DENND4C: variants seen among roughly 807,000 people sequenced by gnomAD.
The protein encoded by DENND4C is DENN domain-containing protein 4C.
Under a neutral mutation model 203.0 loss-of-function variants are expected in DENND4C, and 108 were observed. The observed-to-expected ratio is 0.53, with a 90% CI of 0.46 to 0.62. The LOEUF is 0.62. DENND4C is among the 20% of genes least tolerant of loss of function. DENND4C has a pLI of 0.00. For synonymous variants in DENND4C, 871 were observed against 792.4 expected, an observed-to-expected ratio of 1.10 and a Z score of -1.67; for missense variants, 2,481 against 2,301.2, an observed-to-expected ratio of 1.08 and a Z score of -1.60.
At chr9:19,315,155 CAAAAAAA>C (rs10623955) in intron 10 of DENND4C, among the ~76,000 whole-genome samples, 29 of 119,482 alleles carry the variant, frequency 2.4e-4, no homozygotes, top group African/African-American at 9.1e-4. Flanking sequence ...GACTCCGTCT[CAAAAAAA>C]AAAAAAAAAA....
At position 19,245,959 on chromosome 9, in the gene DENND4C, T is replaced by TG. The variant is rs552262811; in HGVS notation, c.-18+15126_-18+15127insG. On this transcript the variant is annotated intron_variant, in intron 1 of 32. Coordinates refer to ENST00000434457, the MANE Select transcript of DENND4C (RefSeq NM_001330640.2). ...TATTTTGATATTTCTTGGAATCCAATTTTTTTTTTATTTTTTCAGTTCTCT... is the reference window on the plus strand; with the variant it reads ...TATTTTGATATTTCTTGGAATCCAATGTTTTTTTTTATTTTTTCAGTTCTCT... Among the ~76,000 whole-genome samples the TG allele has an allele frequency of 4.3e-3, 11 of 2,558 alleles. No individual in the cohort carries two copies. The East Asian group carries it at 0.044, about 10-fold the overall frequency. The allele number at this position is 2,558 out of a possible 152,430, so 1.7% of individuals were successfully genotyped here.
At chr9:19,234,815 T>C (rs888144273) in intron 1 of DENND4C, among the ~76,000 whole-genome samples, 10 of 152,080 alleles carry the variant, frequency 6.6e-5, no homozygotes, top group African/African-American at 2.4e-4. Flanking sequence ...GTGCTGTGAT[T>C]ACAGGCGTGA....
chr9:19,310,167 T>C (rs764520302), intron 10 of DENND4C, among the ~76,000 whole-genome samples: 2 of 152,200 alleles, frequency 1.3e-5, no homozygotes, highest in Non-Finnish European at 2.9e-5. Context: ...TTAATTTGTA[T>C]ATTATCTTCA....
Position 19,299,260 on chromosome 9 carries a change from A to T in DENND4C, c.1139A>T (p.Gln380Leu). 6.3e-7 allele frequency: 1 copy of T among 1,587,810 alleles called. No homozygotes were observed. Among genetic ancestry groups the T allele is most frequent in the Non-Finnish European group, 8.5e-7 (1 of 1,170,184 alleles). ...GTCCATGATGCATTAATATTATCAC[A>T]GCCAGTTTCTACACCTTTACCACTA... ...LSVHDALILS[Q>L]PVSTPLPLSG... Residue 380 changes from glutamine (Q) to leucine (L), a missense_variant, in exon 8 of 33, where the codon CAG (glutamine) becomes CTG (leucine). By Grantham distance (113) the Gln-to-Leu change is moderately radical. This residue lies in a region of DENND4C where 2,289 missense variants were observed against 2,113.3 expected (regional missense o/e 1.08). Coordinates refer to ENST00000434457, the MANE Select transcript of DENND4C (RefSeq NM_001330640.2).
chr9:19,316,909 A>G (rs1308673146), intron 12 of DENND4C, 70 bp downstream of exon 12: 12 of 1,305,860 alleles, frequency 9.2e-6, no homozygotes, highest in Non-Finnish European at 1.3e-5. Context: ...GTTGCTGCCA[A>G]GAAATACTTA....
chr9:19,236,795 C>T (rs1288702661), intron 1 of DENND4C, among the ~76,000 whole-genome samples: 2 of 152,198 alleles, frequency 1.3e-5, no homozygotes, highest in African/African-American at 4.8e-5. Flanking sequence ...GTACCTGCCA[C>T]ACCAGTCTAC....
intron 2 of DENND4C, among the ~76,000 whole-genome samples, chr9:19,285,113 C>CT (rs1834926923): frequency 6.6e-6 from 1 of 152,114 alleles, no homozygotes; most frequent in South Asian, 2.1e-4. Flanking sequence ...ATCCAGTTAT[C>CT]TAAGTCCTGC....
chr9:19,358,942 G>A lies in DENND4C; in HGVS notation c.5160+782G>A, dbSNP rs1272625992. ...CTCCCAGCAGGAGACATAAACATTA[G>A]TAGCTATTAATGCCTTAATGCCTAG... is the stretch of plus-strand genomic sequence containing the variant. On this transcript the variant is annotated intron_variant, in intron 28 of 32. Coordinates refer to ENST00000434457, the MANE Select transcript of DENND4C (RefSeq NM_001330640.2). The surrounding 1 kb of genome is among the most constrained non-coding windows in gnomAD (Gnocchi z 4.8). Among the ~76,000 whole-genome samples, 2 of 151,778 alleles carry A rather than the reference G, an allele frequency of 1.3e-5. No homozygotes were observed. The highest frequency in any genetic ancestry group is 2.9e-5 in the Non-Finnish European group (2 of 68,028).
chr9:19,325,605 G>T (rs1489914761), intron 13 of DENND4C, among the ~76,000 whole-genome samples: 1 of 152,046 alleles, frequency 6.6e-6, no homozygotes, highest in Non-Finnish European at 1.5e-5. Flanking sequence ...GTATCTTCCA[G>T]TTATATGAGA....
At chr9:19,304,790 C>T (rs1389686416) in intron 9 of DENND4C, among the ~76,000 whole-genome samples, 1 of 151,466 alleles carries the variant, frequency 6.6e-6, no homozygotes, top group East Asian at 1.9e-4. Context: ...ACCTTGTGAT[C>T]CACCCGCCTT....
chr9:19,278,076 T>C (rs1446878579), intron 2 of DENND4C, among the ~76,000 whole-genome samples: 1 of 18,580 alleles, frequency 5.4e-5, no homozygotes, highest in Non-Finnish European at 1.3e-4. Flanking sequence ...TTTTTTTTCT[T>C]TTTTTTTTTT....
At chr9:19,366,666 A>AATTGGATACTTCCTCAAATCATAC in intron 30 of DENND4C, among the ~76,000 whole-genome samples, 1 of 152,212 alleles carries the variant, frequency 6.6e-6, no homozygotes, top group Non-Finnish European at 1.5e-5. Flanking sequence ...AAAAGAATGA[A>AATTGGATACTTCCTCAAATCATAC]ATTGGATACT....
At chr9:19,270,667 A>G (rs1241347859) in intron 1 of DENND4C, among the ~76,000 whole-genome samples, 1 of 152,158 alleles carries the variant, frequency 6.6e-6, no homozygotes, top group African/African-American at 2.4e-5. Flanking sequence ...AGTGATGAAC[A>G]TATTTGTCTA....
chr9:19,269,804 G>A (rs907517635), intron 1 of DENND4C, among the ~76,000 whole-genome samples: 1 of 152,296 alleles, frequency 6.6e-6, no homozygotes, highest in Non-Finnish European at 1.5e-5. Flanking sequence ...GTATGGTCTT[G>A]ATGCTTGTGG....
In DENND4C at chr9:19,356,733, A is replaced by G. The variant is rs568311938; in HGVS notation, c.4782-239A>G. On this transcript the variant is annotated intron_variant, in intron 26 of 32. Transcript: ENST00000434457. ...GGACCATTTCCAACCTTGTATTTGA[A>G]AAGTTTAGGATAGGAGGGGAAGAGA... 2.6e-5 allele frequency among the ~76,000 whole-genome samples: 4 copies of G among 151,332 alleles called. No individual in the cohort carries two copies. In the East Asian group the frequency reaches 7.8e-4, roughly 29 times the overall value.
intron 2 of DENND4C, among the ~76,000 whole-genome samples, chr9:19,279,722 A>C (rs572054391): frequency 5.5e-4 from 83 of 151,378 alleles, no homozygotes; most frequent in African/African-American, 1.6e-3. Flanking sequence ...TGGCATGCAC[A>C]TGTAGTCCTA....
intron 26 of DENND4C, 104 bp downstream of exon 26, chr9:19,352,769 T>C: frequency 1.2e-6 from 1 of 841,120 alleles, no homozygotes; most frequent in Admixed American, 3.2e-5. Flanking sequence ...TGCCTTCCTG[T>C]CTGTCCTTCA....
At chr9:19,353,018 A>G (rs1408753787) in intron 26 of DENND4C, among the ~76,000 whole-genome samples, 2 of 152,058 alleles carry the variant, frequency 1.3e-5, no homozygotes, top group African/African-American at 4.8e-5. Context: ...CACCTGTGGT[A>G]GCAGTTACTA....
chr9:19,303,673 C>T (rs1189392020), intron 9 of DENND4C, among the ~76,000 whole-genome samples: 1 of 152,062 alleles, frequency 6.6e-6, no homozygotes, highest in Non-Finnish European at 1.5e-5. Context: ...GACAAAATTC[C>T]AATCCTGAAT....
Sources: allele counts gnomAD v4.1 joint callset (sites outside exome capture counted in the v4.1 genomes callset), GRCh38; gene constraint gnomAD v4.1.1; regional missense constraint gnomAD v4.1.1; non-coding constraint Gnocchi (gnomAD v3.1); transcripts MANE v1.5; gene names NCBI Gene and HGNC (gene_info 2026-07-23, HGNC 2026-07-21).